Variants in SYNGR1 observed in about 807,000 individuals in gnomAD.
The protein encoded by SYNGR1 is synaptogyrin 1.
A neutral mutation model predicts 26.1 loss-of-function variants in SYNGR1; 14 were observed. The ratio of observed to expected loss-of-function variants is 0.54; its 90% CI spans 0.35 to 0.84. The LOEUF (loss-of-function observed/expected upper bound fraction) is 0.84. SYNGR1 is among the 40% of genes least tolerant of loss of function. The pLI, the probability that SYNGR1 is intolerant of heterozygous loss-of-function variation, is 0.01. For missense variants in SYNGR1, 319 were observed against 332.9 expected (o/e 0.96, Z 0.33); for synonymous variants, 141 against 150.1 (o/e 0.94, Z 0.44).
chr22:39,361,356 CTTT>C (rs71326762), intron 1 of SYNGR1, among the ~76,000 whole-genome samples: 5 of 122,320 alleles, frequency 4.1e-5, no homozygotes, highest in Non-Finnish European at 3.4e-5. Flanking sequence ...TAACCCTGCC[CTTT>C]TTTTTTTTTT....
chr22:39,373,030 C>T (rs1925100428), intron 1 of SYNGR1, among the ~76,000 whole-genome samples: 1 of 152,046 alleles, frequency 6.6e-6, no homozygotes, highest in Non-Finnish European at 1.5e-5. Context: ...TCACTTCTTG[C>T]CATATCCTGT....
At chr22:39,353,837 A>G (rs986918341) in intron 1 of SYNGR1, among the ~76,000 whole-genome samples, 5 of 152,160 alleles carry the variant, frequency 3.3e-5, no homozygotes, top group African/African-American at 1.2e-4. Context: ...GGGAATGAAT[A>G]TCAGTGCTGG....
At chr22:39,377,585 T>A (rs772187550) in intron 3 of SYNGR1, 1 of 1,613,078 alleles carries the variant, frequency 6.2e-7, no homozygotes, top group South Asian at 1.1e-5. Flanking sequence ...TCACCCCTAC[T>A]CTCTCCTGGC....
At chr22:39,372,427 C>T (rs1359041624) in intron 1 of SYNGR1, among the ~76,000 whole-genome samples, 2 of 143,306 alleles carry the variant, frequency 1.4e-5, no homozygotes, top group African/African-American at 2.6e-5. Context: ...CACCATGCAC[C>T]ACGCCCAGCT....
chr22:39,355,461 G>A (rs547138979), intron 1 of SYNGR1, among the ~76,000 whole-genome samples: 3 of 152,324 alleles, frequency 2.0e-5, no homozygotes, highest in South Asian at 4.1e-4. Context: ...CCGCTCCGCC[G>A]CTTCTTCTCT....
At chr22:39,377,500 T>A (rs1487524955) in intron 3 of SYNGR1, 2 of 1,549,904 alleles carry the variant, frequency 1.3e-6, no homozygotes, top group African/African-American at 2.7e-5. Flanking sequence ...CTGAAGTACC[T>A]GACCAACAGG....
chr22:39,372,735 C>T (rs952684295), intron 1 of SYNGR1, among the ~76,000 whole-genome samples: 2 of 152,092 alleles, frequency 1.3e-5, no homozygotes, highest in East Asian at 3.9e-4. Flanking sequence ...TCCCAAAGTG[C>T]TGGGATTACA....
Position 39,365,988 on chromosome 22 carries a change from C to CTTTTTTTTTTTTTTTTTTT in SYNGR1, c.100-8319_100-8301dup, listed in dbSNP as rs777416803. ...CGTGAGCCACCGCGCTCAGCCCCTT[C>CTTTTTTTTTTTTTTTTTTT]TTTTTTTTTTTTTTTTTTTTTTTTT... On this transcript the variant is annotated intron_variant, in intron 1 of 3. Transcript: ENST00000328933. Among the ~76,000 whole-genome samples, 46 of 68,380 alleles carry CTTTTTTTTTTTTTTTTTTT rather than the reference C, an allele frequency of 6.7e-4. 14 individuals carry two copies. In the East Asian group the frequency reaches 0.017, roughly 25 times the overall value. The allele number at this position is 68,380 out of a possible 152,430, so 44.9% of individuals were successfully genotyped here.
intron 3 of SYNGR1, chr22:39,377,733 G>A: frequency 6.2e-7 from 1 of 1,605,018 alleles, no homozygotes; most frequent in Non-Finnish European, 8.5e-7. Flanking sequence ...TATCACCCCT[G>A]GCAGTGAGGT....
intron 1 of SYNGR1, among the ~76,000 whole-genome samples, chr22:39,369,411 T>A (rs1327611049): frequency 6.6e-6 from 1 of 152,204 alleles, no homozygotes; most frequent in South Asian, 2.1e-4. Context: ...ACTGTGCCTC[T>A]GAGCACCAGA....
intron 3 of SYNGR1, chr22:39,377,569 C>T (rs777876633): frequency 6.2e-6 from 10 of 1,610,572 alleles, no homozygotes; most frequent in Non-Finnish European, 7.6e-6. Context: ...CTCTTCCCCA[C>T]TGGCCTCACC....
chr22:39,373,905 C>G (rs570668441), intron 1 of SYNGR1, among the ~76,000 whole-genome samples: 35 of 152,354 alleles, frequency 2.3e-4, no homozygotes, highest in Admixed American at 6.5e-4. Context: ...CGGCACATGC[C>G]AGCATCTGGA....
At chr22:39,363,431 G>A (rs1924582024) in intron 1 of SYNGR1, among the ~76,000 whole-genome samples, 1 of 152,022 alleles carries the variant, frequency 6.6e-6, no homozygotes, top group Non-Finnish European at 1.5e-5. Flanking sequence ...GGAGGGACTT[G>A]ACAGTTTTGG....
chr22:39,367,438 G>A (rs78867151), intron 1 of SYNGR1, among the ~76,000 whole-genome samples: 6,731 of 152,266 alleles, frequency 0.044, 508 homozygotes, highest in African/African-American at 0.15. Flanking sequence ...CAAAGGTGGG[G>A]AGGCAGGTGG....
intron 3 of SYNGR1, among the ~76,000 whole-genome samples, chr22:39,379,089 CT>C (rs1925410222): frequency 6.6e-6 from 1 of 152,178 alleles, no homozygotes; most frequent in South Asian, 2.1e-4. Context: ...TTCCTGTGGG[CT>C]GGCCAGGGCT....
chr22:39,361,522 T>C (rs983205024), intron 1 of SYNGR1, among the ~76,000 whole-genome samples: 5 of 152,002 alleles, frequency 3.3e-5, no homozygotes, highest in African/African-American at 7.2e-5. Context: ...CATGCCTGGC[T>C]AATTTTTTTT....
Position 39,384,492 on chromosome 22 carries a change from C to T in SYNGR1, c.*2578C>T, listed in dbSNP as rs1005440550. 1 of 398,668 alleles carries T rather than the reference C, an allele frequency of 2.5e-6. No individual in the cohort carries two copies. The highest frequency in any genetic ancestry group is 4.4e-5 in the Admixed American group (1 of 22,696). The allele number at this position is 398,668 out of a possible 1,614,324, so 24.7% of individuals were successfully genotyped here. On this transcript the variant is annotated 3_prime_UTR_variant, in exon 4 of 4. Transcript: ENST00000328933. ...AGGCTGGGCTCTGGCAGGGACCTGC[C>T]CAGGATGGAGATGAGAGAGGGTGAG...
intron 1 of SYNGR1, among the ~76,000 whole-genome samples, chr22:39,361,075 G>A (rs1924450335): frequency 6.6e-6 from 1 of 152,194 alleles, no homozygotes; most frequent in South Asian, 2.1e-4. Context: ...TCACCTCCCT[G>A]TGAAGCCTTC....
chr22:39,373,294 G>A (rs1363454367), intron 1 of SYNGR1, among the ~76,000 whole-genome samples: 3 of 151,504 alleles, frequency 2.0e-5, no homozygotes, highest in South Asian at 2.1e-4. Context: ...TCAGCCTCCC[G>A]AGTAGCTGGG....
Sources: allele counts gnomAD v4.1 joint callset (sites outside exome capture counted in the v4.1 genomes callset), GRCh38; gene constraint gnomAD v4.1.1; transcripts MANE v1.5; gene names NCBI Gene and HGNC (gene_info 2026-07-23, HGNC 2026-07-21).